The following PPP4R4 variants were observed in gnomAD, a reference collection of about 807,000 sequenced individuals.
PPP4R4 encodes the protein serine/threonine-protein phosphatase 4 regulatory subunit 4.
In PPP4R4, 70 loss-of-function variants were observed where a neutral mutation model predicts 121.8. That is an observed-to-expected ratio of 0.57 (90% CI 0.47 to 0.70). The LOEUF is 0.70. Among genes scored for constraint, PPP4R4 ranks in the 30% least tolerant of loss-of-function variants. The pLI is 0.00. For synonymous variants in PPP4R4, 348 were observed against 355.7 expected, an observed-to-expected ratio of 0.98 and a Z score of 0.24; for missense variants, 875 against 1,033.6, an observed-to-expected ratio of 0.85 and a Z score of 2.10.
rs111976993 is a variant in PPP4R4 at position 94,186,654 on chromosome 14, C to A, written c.191+10527C>A. On this transcript the variant is annotated intron_variant, in intron 2 of 24. Transcript: ENST00000304338. ...ACCATATAGTAAATATATGTTTATA[C>A]CTTTAAGAAACTGCTAAACTGTTTC... Among the ~76,000 whole-genome samples, 1,217 of 152,250 alleles carry A rather than the reference C, an allele frequency of 8.0e-3. 15 individuals are homozygous for A. Among genetic ancestry groups the A allele is most frequent in the African/African-American group, 0.028 (1,148 of 41,534 alleles).
intron 24 of PPP4R4, among the ~76,000 whole-genome samples, chr14:94,277,887 G>A (rs1419006595): frequency 6.6e-6 from 1 of 152,128 alleles, no homozygotes; most frequent in Non-Finnish European, 1.5e-5. Context: ...GATTCTAAAG[G>A]AGGGACGTTG....
chr14:94,276,674 A>G (rs536172343), intron 24 of PPP4R4, among the ~76,000 whole-genome samples: 10 of 152,332 alleles, frequency 6.6e-5, no homozygotes, highest in Admixed American at 2.6e-4. Flanking sequence ...ACCTCCCACC[A>G]GGCCTCATCT....
In PPP4R4 at chr14:94,256,570, A is replaced by T. The variant is rs906697688; in HGVS notation, c.1976A>T (p.Glu659Val). The change falls in exon 17 of 25, where the codon GAA becomes GTA. Residue 659 changes from glutamate (E) to valine (V), a missense_variant. Glu to Val is a moderately radical substitution (Grantham distance 121). Coordinates refer to ENST00000304338, the MANE Select transcript of PPP4R4 (RefSeq NM_058237.2). ...EMCVRKLLCQ[E>V]KDKDVLAIVK... ...TGTGTGAGGAAACTCCTGTGTCAAG[A>T]AAAAGATAAAGATGTTCTGGCTATT... 3 of 1,607,088 alleles carry T rather than the reference A, an allele frequency of 1.9e-6. No individual in the cohort carries two copies. The African/African-American group carries it at 4.0e-5, about 22-fold the overall frequency.
chr14:94,263,755 A>G (rs1893895853), intron 19 of PPP4R4, among the ~76,000 whole-genome samples: 1 of 151,924 alleles, frequency 6.6e-6, no homozygotes, highest in Non-Finnish European at 1.5e-5. Context: ...AAAATAGATA[A>G]CTCCGTTAAT....
At chr14:94,212,834 A>T (rs11160164) in intron 3 of PPP4R4, among the ~76,000 whole-genome samples, 35,888 of 152,044 alleles carry the variant, frequency 0.24, 5,098 homozygotes, top group East Asian at 0.59. Flanking sequence ...AATAATAGCG[A>T]TATAATTACA....
At chr14:94,214,161 A>G (rs557014775) in intron 3 of PPP4R4, among the ~76,000 whole-genome samples, 2 of 152,306 alleles carry the variant, frequency 1.3e-5, no homozygotes, top group East Asian at 1.9e-4. Context: ...ATAAATATCT[A>G]CCTGAAAGAC....
chr14:94,230,519 G>A (rs1389382017), intron 3 of PPP4R4, 68 bp from the exon 4 acceptor site: 2 of 1,425,052 alleles, frequency 1.4e-6, no homozygotes, highest in African/African-American at 2.9e-5. Flanking sequence ...CTACAACCTT[G>A]GATTTTTAAA....
intron 19 of PPP4R4, among the ~76,000 whole-genome samples, chr14:94,263,311 A>T (rs899325127): frequency 2.0e-5 from 3 of 152,016 alleles, no homozygotes; most frequent in South Asian, 4.1e-4. Flanking sequence ...CTCAATTTTT[A>T]AAAAAACTCT....
intron 17 of PPP4R4, 79 bp downstream of exon 17, chr14:94,256,683 C>A: frequency 7.6e-7 from 1 of 1,318,388 alleles, no homozygotes; most frequent in Non-Finnish European, 1.0e-6. Flanking sequence ...TTCAGCTTGA[C>A]AGGATAGCAA....
intron 3 of PPP4R4, among the ~76,000 whole-genome samples, chr14:94,228,378 A>T (rs1205661707): frequency 6.6e-6 from 1 of 152,190 alleles, no homozygotes; most frequent in African/African-American, 2.4e-5. Context: ...GGCCTTTATC[A>T]AAGTGCTTTA....
At chr14:94,256,736 G>T (rs963992849) in intron 17 of PPP4R4, 132 bp downstream of exon 17, 22 of 1,040,754 alleles carry the variant, frequency 2.1e-5, no homozygotes, top group East Asian at 2.7e-5. Context: ...GTAAGAATTA[G>T]TAAATGATTT....
chr14:94,175,816 G>T lies in PPP4R4; in HGVS notation c.118-238G>T, dbSNP rs114713827. 335 of 540,830 alleles carry T rather than the reference G, an allele frequency of 6.2e-4. 2 individuals carry two copies. The highest frequency in any genetic ancestry group is 5.8e-3 in the African/African-American group (311 of 53,336). The allele number at this position is 540,830 out of a possible 1,614,324, so 33.5% of individuals were successfully genotyped here. On this transcript the variant is annotated intron_variant, in intron 1 of 24. Coordinates refer to ENST00000304338, the MANE Select transcript of PPP4R4 (RefSeq NM_058237.2). Reference sequence around the variant, plus strand: ...GTGATTTTCAAGCTGCAGTCCAGGAGCTAGAAGGATAAAAACAGAAAAATA... The same window carrying T: ...GTGATTTTCAAGCTGCAGTCCAGGATCTAGAAGGATAAAAACAGAAAAATA...
intron 3 of PPP4R4, among the ~76,000 whole-genome samples, chr14:94,215,516 C>A (rs1320124572): frequency 6.6e-6 from 1 of 152,070 alleles, no homozygotes; most frequent in Non-Finnish European, 1.5e-5. Flanking sequence ...ATATAGTATT[C>A]TTTAGACAGG....
chr14:94,274,110 C>G (rs73344853), intron 23 of PPP4R4, among the ~76,000 whole-genome samples: 4,697 of 152,168 alleles, frequency 0.031, 199 homozygotes, highest in African/African-American at 0.09. Context: ...ATCTGACTTT[C>G]CGTTCCTGTG....
At chr14:94,183,397 A>G (rs1889095537) in intron 2 of PPP4R4, among the ~76,000 whole-genome samples, 1 of 152,198 alleles carries the variant, frequency 6.6e-6, no homozygotes, top group African/African-American at 2.4e-5. Context: ...AGCAGTATAT[A>G]ATGGATTCCA....
intron 16 of PPP4R4, among the ~76,000 whole-genome samples, chr14:94,253,754 G>T (rs767291522): frequency 1.8e-4 from 27 of 152,176 alleles, no homozygotes; most frequent in Non-Finnish European, 3.5e-4. Flanking sequence ...TCAGAGATCT[G>T]CAGGGCAGCA....
At chr14:94,256,375 G>A in intron 16 of PPP4R4, 85 bp from the exon 17 acceptor site, 4 of 1,098,384 alleles carry the variant, frequency 3.6e-6, no homozygotes, top group Middle Eastern at 3.1e-4. Flanking sequence ...GAACTCTCAG[G>A]CTATCTAAAA....
intron 2 of PPP4R4, among the ~76,000 whole-genome samples, chr14:94,178,186 T>A (rs1209568611): frequency 6.6e-6 from 1 of 152,218 alleles, no homozygotes. Flanking sequence ...TCTCATCTTC[T>A]CTCATGTATT....
At chr14:94,259,152 CAT>C (rs1893635879) in intron 18 of PPP4R4, 141 bp from the exon 19 acceptor site, 2 of 1,356,690 alleles carry the variant, frequency 1.5e-6, no homozygotes, top group Non-Finnish European at 2.0e-6. Context: ...CCTCCCACAA[CAT>C]GTGGGAATTA....
Sources: gnomAD v4.1 joint callset for allele counts (sites outside exome capture counted in the v4.1 genomes callset) on GRCh38, gnomAD v4.1.1 for gene constraint, MANE v1.5 for transcripts, NCBI Gene and HGNC (gene_info 2026-07-23, HGNC 2026-07-21) for gene names.